IRAK3: variants seen among roughly 807,000 people sequenced by gnomAD.
IRAK3 encodes interleukin 1 receptor associated kinase 3.
In IRAK3, 57 loss-of-function variants were observed where a neutral mutation model predicts 56.6. The ratio of observed to expected loss-of-function variants is 1.01; its 90% CI spans 0.81 to 1.26. The LOEUF is 1.26. Ranked by LOEUF, IRAK3 falls within the 50% of genes most tolerant of loss-of-function variation. IRAK3 has a pLI of 0.00. For synonymous variants in IRAK3, 258 were observed against 255.7 expected, an observed-to-expected ratio of 1.01 and a Z score of -0.09; for missense variants, 703 against 719.0, an observed-to-expected ratio of 0.98 and a Z score of 0.25.
chr12:66,203,870 C>A lies in IRAK3; in HGVS notation c.293C>A (p.Ala98Asp). ...CTCCAGGAGATGGGACATCGTCGAG[C>A]TATTCATTTAATTACAAACTATGGT... The part of the protein sequence containing the change: ...QVLQEMGHRR[A>D]IHLITNYGAV... The change falls in exon 2 of 12, where the codon GCT becomes GAT. Residue 98 changes from alanine (A) to aspartate (D), a missense_variant. By Grantham distance (126) the Ala-to-Asp change is moderately radical. Transcript: ENST00000261233. 6.2e-7 allele frequency: 1 copy of A among 1,613,626 alleles called. No individual in the cohort carries two copies. The highest frequency in any genetic ancestry group is 8.5e-7 in the Non-Finnish European group (1 of 1,179,566).
chr12:66,214,244 C>A (rs1353969210), intron 5 of IRAK3, among the ~76,000 whole-genome samples: 1 of 151,962 alleles, frequency 6.6e-6, no homozygotes, highest in African/African-American at 2.4e-5. Context: ...TGGAGGCAGG[C>A]TGGGCATGGT....
In IRAK3 at chr12:66,189,425, C is replaced by T; in HGVS notation, c.126C>T (p.Arg42=). 1 of 1,383,716 alleles carries T rather than the reference C, an allele frequency of 7.2e-7. No homozygotes were observed. 85.7% of individuals were successfully genotyped at this position (1,383,716 alleles called of 1,614,324 possible). A position where few individuals can be genotyped will look rare whatever the true frequency, so the allele number is the denominator to read the frequency against. ...LDSCDGALGW[R]GLAERLSSSW... ...GCTGCGACGGCGCGCTGGGCTGGCG[C>T]GGCCTGGGTGAGTCGGCGGGGACCG... The change falls in exon 1 of 12, where the codon CGC becomes CGT. Residue 42 remains arginine, a synonymous_variant. Transcript: ENST00000261233.
At chr12:66,237,371 C>T (rs538244974) in intron 8 of IRAK3, among the ~76,000 whole-genome samples, 1 of 152,182 alleles carries the variant, frequency 6.6e-6, no homozygotes, top group African/African-American at 2.4e-5. Context: ...ATTATTCAGA[C>T]TTCTTTTCTG....
chr12:66,216,131 T>C (rs2052674553), intron 5 of IRAK3, among the ~76,000 whole-genome samples: 1 of 152,060 alleles, frequency 6.6e-6, no homozygotes, highest in South Asian at 2.1e-4. Flanking sequence ...GGTGTTAGAG[T>C]GCTACATTAG....
chr12:66,252,100 C>T lies in IRAK3; in HGVS notation c.*3929C>T, dbSNP rs184570253. 5 of 152,254 alleles carry T rather than the reference C, an allele frequency of 3.3e-5. No homozygotes were observed. The highest frequency in any genetic ancestry group is 7.2e-5 in the African/African-American group (3 of 41,540). The allele number at this position is 152,254 out of a possible 1,614,324, so 9.4% of individuals were successfully genotyped here. ...CAGCTGTGCACAACCATCCCTAATG[C>T]CAGAAAAATGGGGTAAGGGTGAAGG... On this transcript the variant is annotated 3_prime_UTR_variant, in exon 12 of 12. Coordinates refer to ENST00000261233, the MANE Select transcript of IRAK3 (RefSeq NM_007199.3).
At position 66,254,363 on chromosome 12, in the gene IRAK3, G is replaced by A. The variant is rs961587981; in HGVS notation, c.*6192G>A. On this transcript the variant is annotated 3_prime_UTR_variant, in exon 12 of 12. Coordinates refer to ENST00000261233, the MANE Select transcript of IRAK3 (RefSeq NM_007199.3). ...ATTTAGATATATGTTTATTGCTATG[G>A]ATATATGTTCCCAAAATATTATTGA... 6.6e-6 allele frequency: 1 copy of A among 152,056 alleles called. No individual in the cohort carries two copies. The highest frequency in any genetic ancestry group is 1.5e-5 in the Non-Finnish European group (1 of 67,996). 9.4% of individuals were successfully genotyped at this position (152,056 alleles called of 1,614,324 possible).
At chr12:66,209,370 A>T (rs2052590112) in intron 2 of IRAK3, 86 bp from the exon 3 acceptor site, 1 of 785,282 alleles carries the variant, frequency 1.3e-6, no homozygotes, top group Admixed American at 1.8e-5. Context: ...ATGGCTAGCA[A>T]GACATTTATT....
At chr12:66,220,468 A>G in intron 6 of IRAK3, among the ~76,000 whole-genome samples, 1 of 144,472 alleles carries the variant, frequency 6.9e-6, no homozygotes, top group Non-Finnish European at 1.5e-5. Context: ...GCTCTGTAAT[A>G]TAGTTTGAAA....
intron 1 of IRAK3, among the ~76,000 whole-genome samples, chr12:66,198,747 T>C (rs1051930044): frequency 2.0e-5 from 3 of 150,280 alleles, no homozygotes; most frequent in Admixed American, 6.6e-5. Context: ...CTTTTCCTTC[T>C]CCTTTTTTTT....
intron 8 of IRAK3, among the ~76,000 whole-genome samples, chr12:66,236,566 TAA>T (rs750666056): frequency 2.8e-5 from 4 of 141,094 alleles, no homozygotes; most frequent in South Asian, 2.3e-4. Flanking sequence ...AGACTCCGTC[TAA>T]AAAAAAAAAA....
chr12:66,220,756 G>A (rs919552996), intron 6 of IRAK3, among the ~76,000 whole-genome samples: 2 of 151,838 alleles, frequency 1.3e-5, no homozygotes, highest in East Asian at 1.9e-4. Context: ...TCCTGACCTC[G>A]TGATCCGCCC....
At chr12:66,207,916 A>G (rs375767720) in intron 2 of IRAK3, among the ~76,000 whole-genome samples, 20 of 152,278 alleles carry the variant, frequency 1.3e-4, no homozygotes, top group Middle Eastern at 6.8e-3. Context: ...TTACACATGT[A>G]TTTGAGGTTC....
intron 2 of IRAK3, among the ~76,000 whole-genome samples, chr12:66,207,237 G>A (rs1038268692): frequency 8.5e-5 from 13 of 152,146 alleles, no homozygotes; most frequent in African/African-American, 1.9e-4. Flanking sequence ...TTGGGAGGCC[G>A]AGGCAGGCAG....
intron 6 of IRAK3, among the ~76,000 whole-genome samples, chr12:66,223,012 G>A (rs562617858): frequency 8.5e-5 from 13 of 152,076 alleles, no homozygotes; most frequent in African/African-American, 3.1e-4. Flanking sequence ...AGTCAAAGGG[G>A]GGTTGTTCTC....
intron 6 of IRAK3, among the ~76,000 whole-genome samples, chr12:66,225,390 C>T (rs892013114): frequency 6.6e-6 from 1 of 151,254 alleles, no homozygotes; most frequent in Non-Finnish European, 1.5e-5. Flanking sequence ...TGTATGTATA[C>T]ATACACACAC....
chr12:66,247,513 C>T (rs1178515226), intron 11 of IRAK3, among the ~76,000 whole-genome samples, 182 bp from the exon 12 acceptor site: 1 of 152,172 alleles, frequency 6.6e-6, no homozygotes, highest in African/African-American at 2.4e-5. Flanking sequence ...TTTTAAGTCA[C>T]TTAATTTACT....
chr12:66,238,906 G>A (rs1022428297), intron 8 of IRAK3, among the ~76,000 whole-genome samples: 4 of 152,208 alleles, frequency 2.6e-5, no homozygotes, highest in Non-Finnish European at 4.4e-5. Context: ...ATCTTGAAAA[G>A]TTGCAGCCTA....
chr12:66,208,361 A>G (rs2052577851), intron 2 of IRAK3, among the ~76,000 whole-genome samples: 1 of 152,112 alleles, frequency 6.6e-6, no homozygotes, highest in African/African-American at 2.4e-5. Context: ...ACACACGCAC[A>G]CACACCACCT....
intron 1 of IRAK3, chr12:66,196,871 C>G: frequency 6.7e-7 from 1 of 1,502,374 alleles, no homozygotes; most frequent in Non-Finnish European, 8.8e-7. Flanking sequence ...TTTCCTTTTT[C>G]CCTTACAGTG....
Sources: allele counts gnomAD v4.1 joint callset (sites outside exome capture counted in the v4.1 genomes callset), GRCh38; gene constraint gnomAD v4.1.1; transcripts MANE v1.5; gene names NCBI Gene and HGNC (gene_info 2026-07-23, HGNC 2026-07-21).